The following LGR6 variants were observed in gnomAD, a reference collection of about 807,000 sequenced individuals.
The protein encoded by LGR6 is leucine rich repeat containing G protein-coupled receptor 6, also known as leucine-rich repeat-containing G protein-coupled receptor 6.
LGR6 carries 45 observed loss-of-function variants against 69.4 expected under a neutral mutation model. That is an observed-to-expected ratio of 0.65 (90% CI 0.51 to 0.83). The LOEUF (loss-of-function observed/expected upper bound fraction) is 0.83. LGR6 is among the 40% of genes least tolerant of loss of function. The pLI is 0.00. For synonymous variants in LGR6, 538 were observed against 555.0 expected, an observed-to-expected ratio of 0.97 and a Z score of 0.43; for missense variants, 1,108 against 1,246.7, an observed-to-expected ratio of 0.89 and a Z score of 1.68.
intron 1 of LGR6, among the ~76,000 whole-genome samples, chr1:202,204,490 C>CTTCAA (rs1491255281): frequency 3.3e-5 from 3 of 90,388 alleles, no homozygotes; most frequent in African/African-American, 1.3e-4. Flanking sequence ...AACACACCTC[C>CTTCAA]ACACACACAC....
intron 4 of LGR6, among the ~76,000 whole-genome samples, chr1:202,267,017 G>A (rs1558048807): frequency 6.6e-6 from 1 of 152,196 alleles, no homozygotes; most frequent in Non-Finnish European, 1.5e-5. Flanking sequence ...CATGTCTTGT[G>A]TGGAACGCCT....
At chr1:202,211,453 C>G (rs113369161) in intron 1 of LGR6, among the ~76,000 whole-genome samples, 3,528 of 152,206 alleles carry the variant, frequency 0.023, 142 homozygotes, top group African/African-American at 0.08. Flanking sequence ...TCCCAGCCCC[C>G]CAGGTTCAAG....
At chr1:202,299,025 C>G (rs1667380252) in intron 7 of LGR6, among the ~76,000 whole-genome samples, 1 of 151,278 alleles carries the variant, frequency 6.6e-6, no homozygotes, top group Non-Finnish European at 1.5e-5. Context: ...TTTGGGAGGC[C>G]GAGGTGGGCA....
intron 4 of LGR6, among the ~76,000 whole-genome samples, chr1:202,245,629 G>A (rs183529570): frequency 5.3e-5 from 8 of 152,268 alleles, no homozygotes; most frequent in Non-Finnish European, 5.9e-5. Context: ...AGCTCAAGCA[G>A]GCCAAGGCCT....
chr1:202,279,455 C>A (rs1375394019), intron 5 of LGR6, among the ~76,000 whole-genome samples: 1 of 152,192 alleles, frequency 6.6e-6, no homozygotes, highest in East Asian at 1.9e-4. Flanking sequence ...TTTTCTTCCC[C>A]TTGTCAGTGA....
At position 202,318,724 on chromosome 1, in the gene LGR6, C is replaced by A. The variant is rs984263406; in HGVS notation, c.2421C>A (p.Ala807=). ...MLGLFPVTPE[A]VKSVLLVVLP... ...GCCTCTTCCCTGTCACGCCCGAGGC[C>A]GTCAAGTCTGTCCTGCTGGTGGTGC... The change falls in exon 18 of 18, where the codon GCC becomes GCA. Residue 807 remains alanine, a synonymous_variant. Transcript: ENST00000367278. 3 of 1,613,478 alleles carry A rather than the reference C, an allele frequency of 1.9e-6. No individual in the cohort carries two copies. The highest frequency in any genetic ancestry group is 2.5e-6 in the Non-Finnish European group (3 of 1,179,990).
intron 1 of LGR6, among the ~76,000 whole-genome samples, chr1:202,201,801 AG>A (rs986313992): frequency 1.3e-5 from 2 of 152,106 alleles, no homozygotes; most frequent in African/African-American, 4.8e-5. Context: ...GGCTACTTGG[AG>A]GGGAAGGTAT....
chr1:202,308,419 G>A (rs1203009996), intron 14 of LGR6, among the ~76,000 whole-genome samples: 1 of 152,144 alleles, frequency 6.6e-6, no homozygotes, highest in Non-Finnish European at 1.5e-5. Context: ...TCCAGTCCAG[G>A]GCTGTTTCCA....
chr1:202,207,122 G>A (rs1346731309), intron 1 of LGR6, among the ~76,000 whole-genome samples: 1 of 152,052 alleles, frequency 6.6e-6, no homozygotes, highest in East Asian at 1.9e-4. Context: ...TTCGCCATGT[G>A]GCCAGGCTGG....
At chr1:202,288,109 G>A (rs1320468652) in intron 6 of LGR6, among the ~76,000 whole-genome samples, 1 of 152,078 alleles carries the variant, frequency 6.6e-6, no homozygotes, top group Admixed American at 6.5e-5. Flanking sequence ...CAGGCACGAT[G>A]GCCTCCTTGA....
chr1:202,276,382 C>A lies in LGR6; in HGVS notation c.505C>A (p.Leu169Met). ...GCTGTCCTCCCTCCGCCACCTCTGGCTGGACGACAATGCACTCACGGAGAT... is the reference window on the plus strand; with the variant it reads ...GCTGTCCTCCCTCCGCCACCTCTGGATGGACGACAATGCACTCACGGAGAT... ...EGLSSLRHLW[L>M]DDNALTEIPV... Residue 169 changes from leucine (L) to methionine (M), a missense_variant, in exon 5 of 18, where the codon CTG (leucine) becomes ATG (methionine). Physicochemically the swap from Leu to Met is conservative, Grantham distance 15 (BLOSUM62 2). Coordinates refer to ENST00000367278, the MANE Select transcript of LGR6 (RefSeq NM_001017403.2). 6.2e-7 allele frequency: 1 copy of A among 1,614,198 alleles called. No individual in the cohort carries two copies. The highest frequency in any genetic ancestry group is 8.5e-7 in the Non-Finnish European group (1 of 1,180,018).
chr1:202,261,873 A>C (rs1256795913), intron 4 of LGR6, among the ~76,000 whole-genome samples: 7 of 152,292 alleles, frequency 4.6e-5, no homozygotes, highest in Non-Finnish European at 1.0e-4. Flanking sequence ...TTGGCTGCAT[A>C]AATGTCTTCT....
chr1:202,203,077 T>C (rs1302871898), intron 1 of LGR6, among the ~76,000 whole-genome samples: 4 of 152,198 alleles, frequency 2.6e-5, no homozygotes, highest in African/African-American at 9.7e-5. Flanking sequence ...TTGCTGGGGT[T>C]CTTGCAGGGC....
chr1:202,196,594 CT>C (rs1172529139), intron 1 of LGR6, among the ~76,000 whole-genome samples: 8 of 152,198 alleles, frequency 5.3e-5, no homozygotes, highest in African/African-American at 1.4e-4. Flanking sequence ...GCCTCAGGTT[CT>C]TCATGTGTAC....
At chr1:202,284,164 C>G (rs1040410782) in intron 6 of LGR6, among the ~76,000 whole-genome samples, 1 of 152,188 alleles carries the variant, frequency 6.6e-6, no homozygotes, top group Non-Finnish European at 1.5e-5. Context: ...CCTTGTTGCC[C>G]TCTGGGAAAG....
At chr1:202,253,429 A>G (rs1446231595) in intron 4 of LGR6, among the ~76,000 whole-genome samples, 1 of 151,252 alleles carries the variant, frequency 6.6e-6, no homozygotes, top group African/African-American at 2.4e-5. Flanking sequence ...CAGCCTCCCA[A>G]GTAGCTGGGA....
chr1:202,260,027 C>G (rs1340369782), intron 4 of LGR6, among the ~76,000 whole-genome samples: 1 of 152,140 alleles, frequency 6.6e-6, no homozygotes, highest in Non-Finnish European at 1.5e-5. Flanking sequence ...AGAAGAATTC[C>G]CCATTATCTC....
intron 4 of LGR6, among the ~76,000 whole-genome samples, chr1:202,266,478 C>T (rs552193489): frequency 1.3e-5 from 2 of 151,914 alleles, no homozygotes; most frequent in South Asian, 4.2e-4. Context: ...CACCCCCACC[C>T]CACCAGAGTG....
At chr1:202,242,864 G>A (rs1489681679) in intron 4 of LGR6, among the ~76,000 whole-genome samples, 1 of 152,206 alleles carries the variant, frequency 6.6e-6, no homozygotes, top group Non-Finnish European at 1.5e-5. Context: ...TAATGCCCAA[G>A]GGCAGGCGAA....
Sources: gnomAD v4.1 joint callset for allele counts (sites outside exome capture counted in the v4.1 genomes callset) on GRCh38, gnomAD v4.1.1 for gene constraint, MANE v1.5 for transcripts, NCBI Gene and HGNC (gene_info 2026-07-23, HGNC 2026-07-21) for gene names.